The following STOX2 variants were observed in gnomAD, a reference collection of about 807,000 sequenced individuals.
The protein encoded by STOX2 is storkhead-box protein 2.
In STOX2, 28 loss-of-function variants were observed where a neutral mutation model predicts 60.9. The ratio of observed to expected loss-of-function variants is 0.46; its 90% confidence interval spans 0.34 to 0.63. The LOEUF is 0.63. Ranked by LOEUF, STOX2 falls within the 30% of genes least tolerant of loss-of-function variation. The probability of loss-of-function intolerance (pLI) is 0.01; values close to 1 mark genes in which losing one functional copy is unlikely to be tolerated. For missense variants in STOX2, 1,024 were observed against 1,187.7 expected (o/e 0.86, Z 2.03); for synonymous variants, 472 against 463.9 (o/e 1.02, Z -0.22).
At chr4:183,831,990 T>TTC (rs1491497872) in intron 1 of STOX2, among the ~76,000 whole-genome samples, 3 of 116,354 alleles carry the variant, frequency 2.6e-5, no homozygotes, top group Non-Finnish European at 4.8e-5. Flanking sequence ...CTTCTTCTTC[T>TTC]TTTTTTTTTT....
chr4:183,977,705 C>T (rs1343065418), intron 1 of STOX2, among the ~76,000 whole-genome samples: 1 of 152,140 alleles, frequency 6.6e-6, no homozygotes, highest in East Asian at 1.9e-4. Context: ...GGTAGACACC[C>T]AGTAGTGGGA....
chr4:183,860,442 C>CAAAAAAAAAAA (rs35753992), intron 1 of STOX2, among the ~76,000 whole-genome samples: 39 of 121,442 alleles, frequency 3.2e-4, no homozygotes, highest in Admixed American at 4.4e-4. Context: ...AAACAAAAAA[C>CAAAAAAAAAAA]AAAAAAAAAA....
chr4:183,823,386 A>C (rs1255764148), intron 1 of STOX2, among the ~76,000 whole-genome samples: 9 of 152,172 alleles, frequency 5.9e-5, no homozygotes, highest in Admixed American at 5.9e-4. Context: ...AAAAGAGCAA[A>C]ACTCCGTCTA....
chr4:183,835,646 G>A (rs1739689953), intron 1 of STOX2, among the ~76,000 whole-genome samples: 1 of 152,006 alleles, frequency 6.6e-6, no homozygotes, highest in African/African-American at 2.4e-5. Flanking sequence ...ATTGTTACTG[G>A]AGGCAAATTA....
At chr4:183,889,862 G>A (rs958943873) in intron 1 of STOX2, among the ~76,000 whole-genome samples, 3 of 152,124 alleles carry the variant, frequency 2.0e-5, no homozygotes, top group Non-Finnish European at 4.4e-5. Flanking sequence ...AATACTTTCT[G>A]TTTTTTCTTC....
intron 1 of STOX2, among the ~76,000 whole-genome samples, chr4:183,830,996 G>A (rs1739552222): frequency 6.6e-6 from 1 of 151,720 alleles, no homozygotes; most frequent in South Asian, 2.1e-4. Flanking sequence ...TAGGCTGGTG[G>A]TAGAAGAATC....
intron 1 of STOX2, among the ~76,000 whole-genome samples, chr4:183,860,844 C>T (rs1338082508): frequency 1.3e-5 from 2 of 152,160 alleles, no homozygotes; most frequent in African/African-American, 2.4e-5. Flanking sequence ...GAAAAGCAAA[C>T]GATTCCATTT....
rs944241021 is a variant in STOX2 at position 183,939,545 on chromosome 4, A to C, written c.166+32589A>C. 3.3e-5 allele frequency among the ~76,000 whole-genome samples: 5 copies of C among 151,986 alleles called. No individual in the cohort carries two copies. The South Asian group carries it at 8.3e-4, about 25-fold the overall frequency. ...ACATTCACAGATGCTGGGGGTTAGG[A>C]CTTAGATGTACGCTTTTAGGGGCCA... is the stretch of plus-strand genomic sequence containing the variant. On this transcript the variant is annotated intron_variant, in intron 1 of 3. Transcript: ENST00000308497.
chr4:183,939,762 A>T lies in STOX2; in HGVS notation c.166+32806A>T, dbSNP rs568130066. Among the ~76,000 whole-genome samples the T allele has an allele frequency of 5.1e-3, 780 of 152,210 alleles. 5 individuals are homozygous for T. Among genetic ancestry groups the T allele is most frequent in the Non-Finnish European group, 8.6e-3 (587 of 68,000 alleles). ...CGTTCTCCCAGCTCTGGGAGCTGGG[A>T]TGTGCTTCTTAACTTCTCCGCGTCC... On this transcript the variant is annotated intron_variant, in intron 1 of 3. Transcript: ENST00000308497.
At chr4:183,873,814 T>A (rs1056894164) in intron 1 of STOX2, among the ~76,000 whole-genome samples, 3 of 152,220 alleles carry the variant, frequency 2.0e-5, no homozygotes, top group African/African-American at 7.2e-5. Context: ...GGCAGGGCTG[T>A]AGTTGTACAA....
chr4:183,992,647 A>G (rs1355493060), intron 1 of STOX2, among the ~76,000 whole-genome samples: 1 of 152,204 alleles, frequency 6.6e-6, no homozygotes, highest in Non-Finnish European at 1.5e-5. Context: ...GATCTTACTA[A>G]TTGTTATCAT....
intron 1 of STOX2, among the ~76,000 whole-genome samples, chr4:183,809,228 T>C (rs527895977): frequency 6.6e-6 from 1 of 151,734 alleles, no homozygotes; most frequent in African/African-American, 2.4e-5. Context: ...GCTACAGGCA[T>C]GAGCCACCAC....
At chr4:183,970,177 T>G (rs1217772630) in intron 1 of STOX2, among the ~76,000 whole-genome samples, 19 of 140,020 alleles carry the variant, frequency 1.4e-4, no homozygotes, top group African/African-American at 4.8e-4. Flanking sequence ...TGTGTGTGTG[T>G]GTGTGGGGTT....
At chr4:183,853,734 G>C (rs756399723) in intron 1 of STOX2, 1 of 152,188 alleles carries the variant, frequency 6.6e-6, no homozygotes, top group African/African-American at 2.4e-5. Context: ...AGGAAATCGA[G>C]AGAATAAAAG....
At chr4:183,824,370 C>CTAGGCCT (rs1421206525) in intron 1 of STOX2, among the ~76,000 whole-genome samples, 1 of 152,144 alleles carries the variant, frequency 6.6e-6, no homozygotes, top group East Asian at 1.9e-4. Context: ...TTTTACTTTC[C>CTAGGCCT]TAGGCCTTGG....
At chr4:183,873,335 A>T (rs1465934850) in intron 1 of STOX2, among the ~76,000 whole-genome samples, 1 of 151,596 alleles carries the variant, frequency 6.6e-6, no homozygotes, top group Non-Finnish European at 1.5e-5. Context: ...AATCCCAGCT[A>T]CTCGGGAGGC....
At chr4:183,805,907 G>A (rs183022425) in intron 1 of STOX2, among the ~76,000 whole-genome samples, 121 of 152,312 alleles carry the variant, frequency 7.9e-4, no homozygotes, top group African/African-American at 2.7e-3. Flanking sequence ...CTCTTGATGC[G>A]GACCAGTCAG....
chr4:183,987,705 G>A (rs900951996), intron 1 of STOX2: 2 of 152,208 alleles, frequency 1.3e-5, no homozygotes, highest in Admixed American at 1.3e-4. Flanking sequence ...ACCGCTGCCC[G>A]GGCTGCGAGC....
At chr4:183,916,578 C>T (rs1181572072) in intron 1 of STOX2, among the ~76,000 whole-genome samples, 1 of 152,202 alleles carries the variant, frequency 6.6e-6, no homozygotes, top group African/African-American at 2.4e-5. Flanking sequence ...ATCCCTATGA[C>T]TGATTTTGTC....
Sources: gnomAD v4.1 joint callset for allele counts (sites outside exome capture counted in the v4.1 genomes callset) on GRCh38, gnomAD v4.1.1 for gene constraint, MANE v1.5 for transcripts, NCBI Gene and HGNC (gene_info 2026-07-23, HGNC 2026-07-21) for gene names.